DLG5: variants seen among roughly 807,000 people sequenced by gnomAD.
DLG5 encodes the protein disks large homolog 5.
In DLG5, 48 loss-of-function variants were observed where a neutral mutation model predicts 189.8. That is an observed-to-expected ratio of 0.25 (90% confidence interval 0.20 to 0.32). The LOEUF (loss-of-function observed/expected upper bound fraction) is 0.32. Among genes scored for constraint, DLG5 ranks in the 10% least tolerant of loss-of-function variants. The pLI is 1.00. For synonymous variants in DLG5, 1,016 were observed against 1,054.1 expected, an observed-to-expected ratio of 0.96 and a Z score of 0.70; for missense variants, 2,160 against 2,544.7, an observed-to-expected ratio of 0.85 and a Z score of 3.25.
chr10:77,926,241 G>A lies in DLG5; in HGVS notation c.280C>T (p.Pro94Ser). Residue 94 changes from proline to serine, a missense_variant, in exon 1 of 32, where the codon CCG (proline) becomes TCG (serine). Around this residue, in one of 5 missense-constraint regions of DLG5, gnomAD observed 664 missense variants for 838.5 expected, o/e 0.79. Coordinates refer to ENST00000372391, the MANE Select transcript of DLG5 (RefSeq NM_004747.4). The surrounding 1 kb of genome is among the most constrained non-coding windows in gnomAD (Gnocchi z 5.2). Reference protein sequence around the residue: ...PILYLNGVVGPPQPAEGAGST... With the variant: ...PILYLNGVVGSPQPAEGAGST... ...CCCGCGCCTTCGGCGGGCTGCGGCG[G>A]CCCGACGACGCCGTTCAGGTAGAGA... 1 of 1,517,886 alleles carries A rather than the reference G, an allele frequency of 6.6e-7. No homozygotes were observed. The highest frequency in any genetic ancestry group is 8.8e-7 in the Non-Finnish European group (1 of 1,131,658). The allele number at this position is 1,517,886 out of a possible 1,614,324, so 94.0% of individuals were successfully genotyped here. A position where few individuals can be genotyped will look rare whatever the true frequency, so the allele number is the denominator to read the frequency against.
intron 20 of DLG5, among the ~76,000 whole-genome samples, chr10:77,814,851 A>G (rs1841975170): frequency 6.6e-6 from 1 of 152,158 alleles, no homozygotes; most frequent in Admixed American, 6.5e-5. Context: ...TGTGAACCAC[A>G]GCACTCGGCC....
rs1254632447 is a variant in DLG5 at position 77,791,121 on chromosome 10, G to T, written c.*1319C>A. 2.0e-5 allele frequency: 3 copies of T among 152,550 alleles called. No individual in the cohort carries two copies. The highest frequency in any genetic ancestry group is 4.4e-5 in the Non-Finnish European group (3 of 68,028). The allele number at this position is 152,550 out of a possible 1,614,324, so 9.4% of individuals were successfully genotyped here. A position where few individuals can be genotyped will look rare whatever the true frequency, so the allele number is the denominator to read the frequency against. On this transcript the variant is annotated 3_prime_UTR_variant, in exon 32 of 32. Transcript: ENST00000372391. Reference sequence around the variant, plus strand: ...ATATATCCCTTTTTAAAAAACATCAGTTATGGCTAAACTACAATCTAGTGT... The same window carrying T: ...ATATATCCCTTTTTAAAAAACATCATTTATGGCTAAACTACAATCTAGTGT...
chr10:77,931,421 T>TA (rs1846785323), upstream of DLG5, among the ~76,000 whole-genome samples: 1 of 151,678 alleles, frequency 6.6e-6, no homozygotes, highest in African/African-American at 2.4e-5. Flanking sequence ...GTATTTTTTT[T>TA]TTTATTTTTG....
upstream of DLG5, among the ~76,000 whole-genome samples, chr10:77,930,680 A>AAG (rs1846778529): frequency 7.4e-6 from 1 of 134,554 alleles, no homozygotes; most frequent in Non-Finnish European, 1.6e-5. Flanking sequence ...TATTGGAGAC[A>AAG]AGAGTCTTGC....
chr10:77,900,954 TAAGC>T (rs1229659152), intron 1 of DLG5, among the ~76,000 whole-genome samples: 3 of 133,126 alleles, frequency 2.3e-5, no homozygotes, highest in Non-Finnish European at 4.8e-5. Flanking sequence ...AATAAATAAA[TAAGC>T]AAGCAAGCAA....
chr10:77,828,486 C>CA (rs34839290), intron 13 of DLG5, among the ~76,000 whole-genome samples: 19,143 of 66,372 alleles, frequency 0.29, 3,292 homozygotes, highest in Admixed American at 0.41. Flanking sequence ...GACTCCATAT[C>CA]AAAAAAAAAA....
At chr10:77,931,822 GGCTATGTA>G in the DLG5 span, among the ~76,000 whole-genome samples, 8 of 152,162 alleles carry the variant, frequency 5.3e-5, no homozygotes, top group Admixed American at 5.2e-4. Flanking sequence ...GACACTCACT[GGCTATGTA>G]TCCTGGGGCT....
intron 17 of DLG5, among the ~76,000 whole-genome samples, chr10:77,818,709 A>G (rs143974188): frequency 4.6e-4 from 69 of 151,584 alleles, no homozygotes; most frequent in Non-Finnish European, 8.2e-4. Context: ...ACCCTCTTCC[A>G]AGTTACAGCC....
At chr10:77,807,661 G>T in intron 25 of DLG5, 135 bp downstream of exon 25, 1 of 1,026,620 alleles carries the variant, frequency 9.7e-7, no homozygotes. Flanking sequence ...CGTGCAGATT[G>T]AGTGTCAAGG....
intron 6 of DLG5, 145 bp from the exon 7 acceptor site, chr10:77,842,338 G>C: frequency 2.9e-6 from 3 of 1,041,778 alleles, no homozygotes; most frequent in Non-Finnish European, 4.1e-6. Context: ...ACCCCCAGGA[G>C]AGAAAAGTCA....
rs1225707470 is a variant in DLG5, at chr10:77,853,401, C to T, written c.817G>A (p.Glu273Lys). The change falls in exon 5 of 32, where the codon GAG becomes AAG. Residue 273 changes from glutamate (E) to lysine (K), a missense_variant. This residue lies in a region of DLG5 where 664 missense variants were observed against 838.5 expected (regional missense o/e 0.79). Transcript: ENST00000372391. Reference protein sequence around the residue: ...QSWEDMKRLHEEDQKEIGDLR... With the variant: ...QSWEDMKRLHKEDQKEIGDLR... ...TCACCGATCTCCTTCTGGTCCTCCT[C>T]GTGGAGCCGCTTCATGTCCTCCCAT... 1.2e-6 allele frequency: 2 copies of T among 1,603,852 alleles called. No homozygotes were observed. The highest frequency in any genetic ancestry group is 1.7e-6 in the Non-Finnish European group (2 of 1,174,912).
At chr10:77,917,747 C>T (rs1846406045) in intron 1 of DLG5, among the ~76,000 whole-genome samples, 1 of 152,182 alleles carries the variant, frequency 6.6e-6, no homozygotes, top group Admixed American at 6.5e-5. Context: ...TTAATGCTGG[C>T]TGGGCGCAGT....
upstream of DLG5, chr10:77,929,830 G>A (rs1846770025): frequency 1.3e-5 from 2 of 152,234 alleles, no homozygotes; most frequent in Admixed American, 1.3e-4. Flanking sequence ...AGTGGAGTCA[G>A]TGGTTCTTGT....
chr10:77,881,927 G>A (rs1292098928), intron 1 of DLG5, among the ~76,000 whole-genome samples: 1 of 152,236 alleles, frequency 6.6e-6, no homozygotes, highest in Non-Finnish European at 1.5e-5. Flanking sequence ...GCCAAAGAGG[G>A]CAACTACAAA....
At chr10:77,830,045 C>T (rs556473160) in intron 11 of DLG5, among the ~76,000 whole-genome samples, 172 bp downstream of exon 11, 67 of 152,300 alleles carry the variant, frequency 4.4e-4, no homozygotes, top group African/African-American at 1.6e-3. Context: ...AACTGAGAAG[C>T]ACTGTTTCTT....
intron 1 of DLG5, among the ~76,000 whole-genome samples, chr10:77,879,843 C>T (rs560863682): frequency 2.0e-5 from 3 of 151,738 alleles, no homozygotes; most frequent in East Asian, 2.0e-4. Flanking sequence ...CATGAGTTCC[C>T]GCGGGGCCTG....
chr10:77,809,526 G>C (rs1218842597), intron 24 of DLG5, 21 bp downstream of exon 24: 1 of 1,602,512 alleles, frequency 6.2e-7, no homozygotes, highest in Admixed American at 1.7e-5. Flanking sequence ...GGCCTGGCCT[G>C]CTCAGCAGCT....
intron 1 of DLG5, among the ~76,000 whole-genome samples, chr10:77,887,960 G>A (rs1479734732): frequency 3.3e-5 from 5 of 152,086 alleles, no homozygotes; most frequent in East Asian, 1.9e-4. Flanking sequence ...GTTCCACACC[G>A]AGCTGCCATC....
At chr10:77,919,072 C>T (rs946073915) in intron 1 of DLG5, among the ~76,000 whole-genome samples, 10 of 151,906 alleles carry the variant, frequency 6.6e-5, no homozygotes, top group African/African-American at 1.7e-4. Flanking sequence ...AAAAATTAGC[C>T]GGGGGTGATG....
Sources: gnomAD v4.1 joint callset for allele counts (sites outside exome capture counted in the v4.1 genomes callset) on GRCh38, gnomAD v4.1.1 for gene constraint, gnomAD v4.1.1 regional missense constraint, Gnocchi (gnomAD v3.1) non-coding constraint, MANE v1.5 for transcripts, NCBI Gene and HGNC (gene_info 2026-07-23, HGNC 2026-07-21) for gene names.